BST1: variants seen among roughly 807,000 people sequenced by gnomAD.
BST1 encodes ADP-ribosyl cyclase/cyclic ADP-ribose hydrolase 2.
BST1 carries 49 observed loss-of-function variants against 40.6 expected under a neutral mutation model. The observed-to-expected ratio is 1.21, with a 90% CI of 0.96 to 1.53. The LOEUF is 1.53. BST1 is among the 40% of genes most tolerant of loss of function. The probability of loss-of-function intolerance (pLI) is 0.00; values close to 1 mark genes in which losing one functional copy is unlikely to be tolerated. For synonymous variants in BST1, 157 were observed against 159.3 expected (o/e 0.99, Z 0.11); for missense variants, 423 against 395.9 (o/e 1.07, Z -0.58).
intron 1 of BST1, among the ~76,000 whole-genome samples, chr4:15,704,224 G>A (rs1345432180): frequency 2.1e-5 from 3 of 144,816 alleles, no homozygotes; most frequent in Non-Finnish European, 4.5e-5. Flanking sequence ...GTATTCTAGA[G>A]CTGAGGAGAG....
intron 6 of BST1, among the ~76,000 whole-genome samples, chr4:15,718,009 C>A (rs1042703367): frequency 6.6e-6 from 1 of 152,144 alleles, no homozygotes; most frequent in Non-Finnish European, 1.5e-5. Flanking sequence ...GTGTCCTGGA[C>A]CATGAAGAAG....
At chr4:15,754,877 C>T in the BST1 span, among the ~76,000 whole-genome samples, 2 of 152,084 alleles carry the variant, frequency 1.3e-5, no homozygotes, top group Non-Finnish European at 2.9e-5. Context: ...GTAGATCTGT[C>T]TAGGGTTTCT....
the BST1 span, among the ~76,000 whole-genome samples, chr4:15,769,016 T>G: frequency 6.6e-6 from 1 of 152,054 alleles, no homozygotes; most frequent in Non-Finnish European, 1.5e-5. Context: ...GGCAGTGTTG[T>G]GAGGGTACAG....
At chr4:15,703,751 GGT>G (rs758476346) in intron 1 of BST1, among the ~76,000 whole-genome samples, 27 of 144,358 alleles carry the variant, frequency 1.9e-4, no homozygotes, top group South Asian at 2.2e-4. Context: ...AGAGGTGAGG[GGT>G]GTGTGTGTGT....
chr4:15,739,937 C>T (rs916590985), downstream of BST1, among the ~76,000 whole-genome samples: 3 of 151,334 alleles, frequency 2.0e-5, no homozygotes, highest in African/African-American at 7.3e-5. Context: ...GAGAGACAGA[C>T]AGACAGAGAA....
chr4:15,726,475 AGG>A (rs1721119863), intron 8 of BST1, among the ~76,000 whole-genome samples: 1 of 152,240 alleles, frequency 6.6e-6, no homozygotes, highest in African/African-American at 2.4e-5. Context: ...AAGTGCCCAG[AGG>A]CTGCATATGC....
chr4:15,765,075 T>A, the BST1 span, among the ~76,000 whole-genome samples: 3 of 151,844 alleles, frequency 2.0e-5, no homozygotes, highest in Non-Finnish European at 4.4e-5. Context: ...CCTCATGGGG[T>A]TCTTATGGGG....
the BST1 span, among the ~76,000 whole-genome samples, chr4:15,757,456 C>T: frequency 6.6e-6 from 1 of 151,888 alleles, no homozygotes; most frequent in African/African-American, 2.4e-5. Context: ...CTTGGCTGAA[C>T]AGAATAATGA....
At chr4:15,767,909 C>T in the BST1 span, among the ~76,000 whole-genome samples, 4 of 152,192 alleles carry the variant, frequency 2.6e-5, no homozygotes, top group Non-Finnish European at 5.9e-5. Context: ...GCATAAGCCA[C>T]CATGCTCAGC....
the BST1 span, among the ~76,000 whole-genome samples, chr4:15,765,625 C>T: frequency 2.6e-5 from 4 of 151,998 alleles, no homozygotes; most frequent in Non-Finnish European, 5.9e-5. Context: ...TGTTACTTGA[C>T]CTCTGCTGTT....
chr4:15,715,771 G>A lies in BST1; in HGVS notation c.676G>A (p.Val226Ile), dbSNP rs748574731. 4 of 1,596,124 alleles carry A rather than the reference G, an allele frequency of 2.5e-6. No individual in the cohort carries two copies. Among genetic ancestry groups the A allele is most frequent in the Non-Finnish European group, 3.4e-6 (4 of 1,174,348 alleles). Reference sequence around the variant, plus strand: ...AAAAATTACACGAATCGAGATCTGGGTTATGCATGAAATTGGGGGACCCAA... The same window carrying A: ...AAAAATTACACGAATCGAGATCTGGATTATGCATGAAATTGGGGGACCCAA... The part of the protein sequence containing the change: ...KEKITRIEIW[V>I]MHEIGGPNVE... The change falls in exon 6 of 9, where the codon GTT becomes ATT. Residue 226 changes from valine to isoleucine, a missense_variant. Physicochemically the swap from Val to Ile is conservative, Grantham distance 29. Transcript: ENST00000265016.
intron 8 of BST1, among the ~76,000 whole-genome samples, chr4:15,724,333 G>A (rs1473434864): frequency 2.6e-5 from 4 of 152,190 alleles, no homozygotes; most frequent in African/African-American, 9.6e-5. Context: ...GTAACTATAT[G>A]CTAGGCATTT....
Position 15,707,548 on chromosome 4 carries a change from G to T in BST1, c.353G>T (p.Ser118Ile), listed in dbSNP as rs1340732559. Residue 118 changes from serine (S) to isoleucine (I), a missense_variant, in exon 3 of 9, where the codon AGC becomes ATC. By Grantham distance (142) the Ser-to-Ile change is moderately radical. Coordinates refer to ENST00000265016, the MANE Select transcript of BST1 (RefSeq NM_004334.3). ...FWENSHLLVN[S>I]FADNTRRFMP... is the part of the protein sequence containing the mutation. ...GAAAATAGCCACCTCCTTGTTAACA[G>T]CTTTGCAGACAACACCCGTCGTTTT... The T allele has an allele frequency of 6.2e-7, 1 of 1,613,908 alleles. No homozygotes were observed. The highest frequency in any genetic ancestry group is 1.1e-5 in the South Asian group (1 of 91,064).
the BST1 span, among the ~76,000 whole-genome samples, chr4:15,772,566 T>C: frequency 6.6e-6 from 1 of 152,192 alleles, no homozygotes; most frequent in Admixed American, 6.5e-5. Context: ...CCAGAAGAAA[T>C]TCTCAGAGTG....
At chr4:15,705,930 T>A (rs895284696) in intron 2 of BST1, among the ~76,000 whole-genome samples, 18 of 152,198 alleles carry the variant, frequency 1.2e-4, no homozygotes, top group African/African-American at 4.3e-4. Flanking sequence ...TGGCAACATC[T>A]ACTTCTGGGA....
intron 7 of BST1, among the ~76,000 whole-genome samples, chr4:15,720,763 C>T (rs1720767442): frequency 6.6e-6 from 1 of 152,068 alleles, no homozygotes; most frequent in Non-Finnish European, 1.5e-5. Context: ...TGCACTCTAG[C>T]CTGGGTGACA....
chr4:15,710,517 A>G (rs1051143939), intron 3 of BST1, among the ~76,000 whole-genome samples: 1 of 152,180 alleles, frequency 6.6e-6, no homozygotes, highest in Admixed American at 6.6e-5. Context: ...ATTGTGCATT[A>G]CAGCCCCAGT....
chr4:15,715,762 G>T lies in BST1; in HGVS notation c.667G>T (p.Glu223Ter). Residue 223 changes from glutamate to a stop codon, truncating the protein, a stop_gained, in exon 6 of 9, where the codon GAG (glutamate) becomes TAG (stop). Transcript: ENST00000265016. LOFTEE classifies it high-confidence loss of function. ...NLQKEKITRIEIWVMHEIGGP... is the reference protein window; with the variant it reads ...NLQKEKITRI ...CCAGAAGGAAAAAATTACACGAATC[G>T]AGATCTGGGTTATGCATGAAATTGG... is the stretch of plus-strand genomic sequence containing the variant. The T allele has an allele frequency of 6.2e-7, 1 of 1,600,294 alleles. No homozygotes were observed. The highest frequency in any genetic ancestry group is 8.5e-7 in the Non-Finnish European group (1 of 1,175,966).
chr4:15,747,252 T>TCAACTGCACAC, the BST1 span, among the ~76,000 whole-genome samples: 1 of 152,164 alleles, frequency 6.6e-6, no homozygotes, highest in Non-Finnish European at 1.5e-5. Context: ...CAACTGCACA[T>TCAACTGCACAC]CTAAGAGCTC....
Sources: gnomAD v4.1 joint callset for allele counts (sites outside exome capture counted in the v4.1 genomes callset) on GRCh38, gnomAD v4.1.1 for gene constraint, MANE v1.5 for transcripts, NCBI Gene and HGNC (gene_info 2026-07-23, HGNC 2026-07-21) for gene names.